The following CENPI variants were observed in gnomAD, a reference collection of about 807,000 sequenced individuals.
The protein encoded by CENPI is centromere protein I, also known as FSH primary response 1.
A neutral mutation model predicts 60.4 loss-of-function variants in CENPI; 4 were observed. The ratio of observed to expected loss-of-function variants is 0.07; its 90% CI spans 0.03 to 0.15. CENPI has a LOEUF of 0.15. Among genes scored for constraint, CENPI ranks in the 10% least tolerant of loss-of-function variants. CENPI has a pLI of 1.00. For missense variants in CENPI, 444 were observed against 534.5 expected, an observed-to-expected ratio of 0.83 and a Z score of 1.67; for synonymous variants, 157 against 189.4, an observed-to-expected ratio of 0.83 and a Z score of 1.40.
intron 20 of CENPI, among the ~76,000 whole-genome samples, chrX:101,161,220 C>T (rs976543470): frequency 8.9e-6 from 1 of 112,170 alleles, no homozygotes; most frequent in South Asian, 3.7e-4. Context: ...AACTCCTGGT[C>T]TCAAGAGATC....
At chrX:101,159,150 AG>A (rs1201285621) in intron 20 of CENPI, among the ~76,000 whole-genome samples, 1 of 110,705 alleles carries the variant, frequency 9.0e-6, no homozygotes, top group Non-Finnish European at 1.9e-5. Flanking sequence ...TTTGATTGGA[AG>A]TGGGAATGAG....
Position 101,122,843 on chromosome X carries a change from G to A in CENPI, c.687+2059G>A, listed in dbSNP as rs141665391. The stretch of plus-strand genomic sequence containing the variant: ...GTGAGCTGAGATCACGCCAGCCTGG[G>A]CGACAGGGCAAGACTCCGTCTCCAA... On this transcript the variant is annotated intron_variant, in intron 8 of 21. Transcript: ENST00000682095. Among the ~76,000 whole-genome samples, 425 of 111,792 alleles carry A rather than the reference G, an allele frequency of 3.8e-3. 1 individual carries two copies. Among genetic ancestry groups the A allele is most frequent in the African/African-American group, 0.013 (406 of 30,819 alleles).
At chrX:101,128,194 C>T (rs1248900633) in intron 11 of CENPI, among the ~76,000 whole-genome samples, 9 of 111,715 alleles carry the variant, frequency 8.1e-5, no homozygotes, top group African/African-American at 1.6e-4. Context: ...TTTAGCTGGG[C>T]GTGGTGGCAC....
Position 101,146,364 on chromosome X carries a change from C to T in CENPI, c.1826+87C>T, listed in dbSNP as rs1306574673. ...CTATAATACAATAAATATTCCTACT[C>T]GTCTTCTGCCAGGGCCTCTGGAAAT... On this transcript the variant is annotated intron_variant, in intron 18 of 21. Coordinates refer to ENST00000682095, the MANE Select transcript of CENPI (RefSeq NM_001386188.2). The T allele has an allele frequency of 5.5e-6, 5 of 908,914 alleles. No homozygotes were observed. In the South Asian group the frequency reaches 9.5e-5, roughly 17 times the overall value. 74.9% of individuals were successfully genotyped at this position (908,914 alleles called of 1,213,427 possible).
At chrX:101,166,338 T>C (rs2090144226), downstream of CENPI, among the ~76,000 whole-genome samples, 1 of 111,916 alleles carries the variant, frequency 8.9e-6, no homozygotes, top group African/African-American at 3.2e-5. Context: ...GTATTTTTGG[T>C]AGAGATGGGG....
intron 3 of CENPI, 55 bp from the exon 4 acceptor site, chrX:101,102,219 C>T (rs1431152670): frequency 2.1e-5 from 20 of 958,168 alleles, no homozygotes; most frequent in South Asian, 1.5e-4. Context: ...TTATTGAGGC[C>T]GAAGACTGAA....
At chrX:101,166,607 A>G (rs1386166153), downstream of CENPI, among the ~76,000 whole-genome samples, 1 of 112,862 alleles carries the variant, frequency 8.9e-6, no homozygotes, top group African/African-American at 3.2e-5. Context: ...AAACATGTCT[A>G]GAAGATAAAA....
chrX:101,172,669 G>A, the CENPI span, among the ~76,000 whole-genome samples: 3 of 111,512 alleles, frequency 2.7e-5, no homozygotes, highest in Non-Finnish European at 5.6e-5. Flanking sequence ...ACGGATAAGA[G>A]ATTTCTTTTT....
intron 20 of CENPI, among the ~76,000 whole-genome samples, chrX:101,156,209 A>G (rs66857222): frequency 0.22 from 24,466 of 109,979 alleles, 2,010 homozygotes; most frequent in South Asian, 0.34. Context: ...GATGGGTTTC[A>G]CCATGTTGGT....
chrX:101,132,573 G>T, intron 15 of CENPI, 117 bp downstream of exon 15: 1 of 593,075 alleles, frequency 1.7e-6, no homozygotes, highest in Admixed American at 3.4e-5. Flanking sequence ...CTTGGACCTG[G>T]GCTTTGAGGT....
chrX:101,110,157 A>G (rs781016671), intron 6 of CENPI, among the ~76,000 whole-genome samples, 159 bp downstream of exon 6: 12 of 112,617 alleles, frequency 1.1e-4, no homozygotes, highest in African/African-American at 3.9e-4. Context: ...GACATATCAA[A>G]TATACAGAAA....
At chrX:101,151,610 T>C (rs10284112) in intron 20 of CENPI, among the ~76,000 whole-genome samples, 3,956 of 110,784 alleles carry the variant, frequency 0.036, 216 homozygotes, top group African/African-American at 0.12. Flanking sequence ...GGCGGGCAGA[T>C]CACTTGAGGT....
At chrX:101,129,625 C>T (rs1168703697) in intron 12 of CENPI, among the ~76,000 whole-genome samples, 1 of 111,421 alleles carries the variant, frequency 9.0e-6, no homozygotes, top group Non-Finnish European at 1.9e-5. Context: ...TACATTATAC[C>T]CAGCATACTC....
At chrX:101,112,331 G>A (rs1322460545) in intron 6 of CENPI, among the ~76,000 whole-genome samples, 1 of 111,953 alleles carries the variant, frequency 8.9e-6, no homozygotes, top group Non-Finnish European at 1.9e-5. Flanking sequence ...TGGAAGCTCA[G>A]TATAACTCAG....
At chrX:101,123,731 G>A (rs925395140) in intron 8 of CENPI, among the ~76,000 whole-genome samples, 3 of 109,438 alleles carry the variant, frequency 2.7e-5, no homozygotes. Context: ...GGGACTACAG[G>A]CATGCACCAC....
At chrX:101,142,024 A>G (rs1432815898) in intron 16 of CENPI, among the ~76,000 whole-genome samples, 1 of 111,795 alleles carries the variant, frequency 8.9e-6, no homozygotes, top group African/African-American at 3.3e-5. Flanking sequence ...GAGCCACCAC[A>G]TCCAGTCTGA....
intron 4 of CENPI, 79 bp downstream of exon 4, chrX:101,102,490 TATATATACACAC>T: frequency 3.4e-6 from 1 of 296,055 alleles, no homozygotes; most frequent in Non-Finnish European, 5.5e-6. Context: ...AAATCTTATA[TATATATACACAC>T]ACACACACAC....
Position 101,166,059 on chromosome X carries a change from T to C in CENPI, c.*3092T>C, listed in dbSNP as rs1454350972. 8.9e-6 allele frequency among the ~76,000 whole-genome samples: 1 copy of C among 112,574 alleles called. No individual in the cohort carries two copies. The highest frequency in any genetic ancestry group is 2.8e-4 in the East Asian group (1 of 3,618). The stretch of plus-strand genomic sequence containing the variant: ...ATAATTTTTCCCTTAGGTTTGTCTT[T>C]TTGTTCAATAATGATTCCCTGGGTA... On this transcript the variant is annotated 3_prime_UTR_variant, in exon 22 of 22. Transcript: ENST00000682095.
chrX:101,174,665 G>A, the CENPI span, among the ~76,000 whole-genome samples: 4 of 110,589 alleles, frequency 3.6e-5, no homozygotes, highest in Non-Finnish European at 5.7e-5. Flanking sequence ...GACTACTAGA[G>A]GGGGGAGGGA....
Sources: gnomAD v4.1 joint callset for allele counts (sites outside exome capture counted in the v4.1 genomes callset) on GRCh38, gnomAD v4.1.1 for gene constraint, MANE v1.5 for transcripts, NCBI Gene and HGNC (gene_info 2026-07-23, HGNC 2026-07-21) for gene names.